The following ESR1 variants were observed in gnomAD, a reference collection of about 807,000 sequenced individuals.
ESR1 encodes estrogen receptor 1, also known as estrogen receptor.
In ESR1, 12 loss-of-function variants were observed where a neutral mutation model predicts 52.7. The observed-to-expected ratio is 0.23, with a 90% CI of 0.15 to 0.37. The LOEUF (loss-of-function observed/expected upper bound fraction) is 0.37. Among genes scored for constraint, ESR1 ranks in the 10% least tolerant of loss-of-function variants. The probability of loss-of-function intolerance (pLI) is 1.00; values close to 1 mark genes in which losing one functional copy is unlikely to be tolerated. For missense variants in ESR1, 584 were observed against 779.7 expected (o/e 0.75, Z 2.99); for synonymous variants, 305 against 316.8 (o/e 0.96, Z 0.39).
At position 151,842,702 on chromosome 6, in the gene ESR1, A is replaced by G. The variant is rs774944228; in HGVS notation, c.558A>G (p.Ala186=). The change falls in exon 2 of 8, where the codon GCA becomes GCG. Residue 186 remains alanine (A), a synonymous_variant. Transcript: ENST00000206249. ...CTGCCAAGGAGACTCGCTACTGTGCAGTGTGCAATGACTATGCTTCAGGCT... is the reference window on the plus strand; with the variant it reads ...CTGCCAAGGAGACTCGCTACTGTGCGGTGTGCAATGACTATGCTTCAGGCT... ...MESAKETRYC[A]VCNDYASGYH... The G allele has an allele frequency of 7.4e-6, 12 of 1,614,036 alleles. No homozygotes were observed. The highest frequency in any genetic ancestry group is 1.3e-5 in the African/African-American group (1 of 75,070).
chr6:151,683,591 AT>A, intron 1 of ESR1, among the ~76,000 whole-genome samples: 1 of 152,198 alleles, frequency 6.6e-6, no homozygotes, highest in Non-Finnish European at 1.5e-5. Context: ...GGCATGGGAG[AT>A]ACAGAAGTAA....
intron 1 of ESR1, chr6:151,809,075 G>T (rs1778370039): frequency 3.4e-6 from 1 of 291,278 alleles, no homozygotes; most frequent in Non-Finnish European, 7.5e-6. Context: ...GGTGTCCCGC[G>T]AGTTTAAAAC....
chr6:151,868,029 G>T lies in ESR1; in HGVS notation c.644-12626G>T, dbSNP rs1790256573. Among the ~76,000 whole-genome samples the T allele has an allele frequency of 4.6e-5, 7 of 152,140 alleles. No homozygotes were observed. In the South Asian group the frequency reaches 1.2e-3, roughly 27 times the overall value. On this transcript the variant is annotated intron_variant, in intron 2 of 7. Transcript: ENST00000206249. ...ACAAAGGTATATTGAGTGATGCTGA[G>T]GTCTGGCATATGGATGAATCTGTCA...
At chr6:151,664,992 G>A (rs1777771440) in intron 1 of ESR1, among the ~76,000 whole-genome samples, 1 of 152,200 alleles carries the variant, frequency 6.6e-6, no homozygotes, top group African/African-American at 2.4e-5. Context: ...TAACATGCCA[G>A]CTTTAACTGC....
chr6:151,786,608 C>A (rs1787048972), intron 2 of ESR1, among the ~76,000 whole-genome samples: 1 of 151,758 alleles, frequency 6.6e-6, no homozygotes, highest in African/African-American at 2.4e-5. Flanking sequence ...AAAAACTGAA[C>A]CTCTTAGTGT....
At position 151,935,739 on chromosome 6, in the gene ESR1, A is replaced by G. The variant is rs375282012; in HGVS notation, c.761-8434A>G. ...ATTAGTTAATTCATTACAGATTTCA[A>G]TATTTTCCAAAAAACATCCTACAAA... On this transcript the variant is annotated intron_variant, in intron 3 of 7. Coordinates refer to ENST00000206249, the MANE Select transcript of ESR1 (RefSeq NM_000125.4). 3.3e-5 allele frequency among the ~76,000 whole-genome samples: 5 copies of G among 152,230 alleles called. No individual in the cohort carries two copies. The East Asian group carries it at 9.6e-4, about 29-fold the overall frequency.
intron 2 of ESR1, among the ~76,000 whole-genome samples, chr6:151,775,461 G>A (rs2128113333): frequency 6.6e-6 from 1 of 152,164 alleles, no homozygotes; most frequent in South Asian, 2.1e-4. Flanking sequence ...TGTTAAAACA[G>A]TCCTGGCCAG....
At chr6:151,657,579 T>C (rs1369503695) in intron 1 of ESR1, among the ~76,000 whole-genome samples, 3 of 152,172 alleles carry the variant, frequency 2.0e-5, no homozygotes, top group Middle Eastern at 3.2e-3. Flanking sequence ...ACAAAATGTA[T>C]TGGGTGAAAT....
intron 2 of ESR1, among the ~76,000 whole-genome samples, chr6:151,782,963 A>G (rs1261016549): frequency 7.9e-5 from 12 of 152,146 alleles, no homozygotes. Flanking sequence ...TGAAACACTG[A>G]CTGACCCCAC....
At chr6:151,798,257 A>G (rs1317315001) in intron 2 of ESR1, among the ~76,000 whole-genome samples, 2 of 152,122 alleles carry the variant, frequency 1.3e-5, no homozygotes, top group Non-Finnish European at 2.9e-5. Context: ...CCCATGTTGA[A>G]TAGAGATTGG....
chr6:151,663,509 A>G (rs1386756461), intron 1 of ESR1, among the ~76,000 whole-genome samples: 1 of 152,220 alleles, frequency 6.6e-6, no homozygotes, highest in East Asian at 1.9e-4. Flanking sequence ...TTAACTGCCC[A>G]TAATAATTGA....
chr6:151,731,599 C>T (rs1176225070), intron 2 of ESR1, among the ~76,000 whole-genome samples: 3 of 152,038 alleles, frequency 2.0e-5, no homozygotes, highest in Non-Finnish European at 1.5e-5. Flanking sequence ...CATATAAACC[C>T]TCAGAGAGTT....
chr6:151,721,169 AAG>A (rs1781428723), intron 2 of ESR1, among the ~76,000 whole-genome samples: 1 of 152,210 alleles, frequency 6.6e-6, no homozygotes, highest in Non-Finnish European at 1.5e-5. Context: ...CTGAATTTTA[AAG>A]GATTCATAGA....
intron 6 of ESR1, among the ~76,000 whole-genome samples, chr6:152,069,568 C>T (rs575284800): frequency 1.5e-5 from 2 of 135,830 alleles, no homozygotes; most frequent in Non-Finnish European, 3.0e-5. Context: ...AAAATTTTTC[C>T]ACAGATGGGG....
In ESR1 at chr6:152,037,194, G is replaced by A. The variant is rs1305448512; in HGVS notation, c.1236-23797G>A. On this transcript the variant is annotated intron_variant, in intron 5 of 7. Transcript: ENST00000206249. Reference sequence around the variant, plus strand: ...GGATATCAGTTCTATCCGTATGGTCGGGCCTAAAGCCTGGGAAATATTTAA... The same window carrying A: ...GGATATCAGTTCTATCCGTATGGTCAGGCCTAAAGCCTGGGAAATATTTAA... 5.9e-5 allele frequency among the ~76,000 whole-genome samples: 9 copies of A among 152,050 alleles called. No individual in the cohort carries two copies. The South Asian group carries it at 1.0e-3, about 18-fold the overall frequency.
chr6:151,886,349 A>ATTTC (rs1334558873), intron 3 of ESR1, among the ~76,000 whole-genome samples: 4 of 152,112 alleles, frequency 2.6e-5, no homozygotes, highest in Non-Finnish European at 5.9e-5. Context: ...GATGTGCAGG[A>ATTTC]CTCTTGGACT....
chr6:151,678,482 A>G (rs1778332966), intron 1 of ESR1, among the ~76,000 whole-genome samples: 1 of 151,956 alleles, frequency 6.6e-6, no homozygotes, highest in Admixed American at 6.6e-5. Flanking sequence ...TAAAAAAAAA[A>G]AAAAAAGTTG....
chr6:152,043,376 C>T (rs1016466211), intron 5 of ESR1, among the ~76,000 whole-genome samples: 1 of 152,202 alleles, frequency 6.6e-6, no homozygotes, highest in Admixed American at 6.5e-5. Context: ...TTAGCCCACA[C>T]CCTTAATATC....
At chr6:151,756,186 T>G (rs1784269996) in intron 2 of ESR1, among the ~76,000 whole-genome samples, 1 of 152,126 alleles carries the variant, frequency 6.6e-6, no homozygotes, top group Non-Finnish European at 1.5e-5. Context: ...TGCATCTTCC[T>G]CCATCTTCTT....
Sources: allele counts gnomAD v4.1 joint callset (sites outside exome capture counted in the v4.1 genomes callset), GRCh38; gene constraint gnomAD v4.1.1; transcripts MANE v1.5; gene names NCBI Gene and HGNC (gene_info 2026-07-23, HGNC 2026-07-21).